The following ACACA variants were observed in gnomAD, a reference collection of about 807,000 sequenced individuals.
ACACA encodes the protein acetyl-CoA carboxylase 1.
A neutral mutation model predicts 296.1 loss-of-function variants in ACACA; 103 were observed. The observed-to-expected ratio is 0.35, with a 90% CI of 0.30 to 0.41. The LOEUF (loss-of-function observed/expected upper bound fraction) is 0.41. ACACA is among the 10% of genes least tolerant of loss of function. ACACA has a pLI of 1.00. For synonymous variants in ACACA, 953 were observed against 1,038.6 expected, an observed-to-expected ratio of 0.92 and a Z score of 1.58; for missense variants, 1,554 against 2,989.7, an observed-to-expected ratio of 0.52 and a Z score of 11.20.
At chr17:37,225,954 T>A (rs1364803465) in intron 26 of ACACA, among the ~76,000 whole-genome samples, 1 of 152,192 alleles carries the variant, frequency 6.6e-6, no homozygotes, top group African/African-American at 2.4e-5. Context: ...CCACACTTGA[T>A]TATTTCCTGT....
intron 1 of ACACA, among the ~76,000 whole-genome samples, chr17:37,364,590 C>CAAA (rs58523091): frequency 2.1e-5 from 2 of 94,102 alleles, no homozygotes; most frequent in African/African-American, 4.9e-5. Context: ...GACTCCGTCT[C>CAAA]AAAAAAAAAA....
intron 1 of ACACA, chr17:37,379,495 G>A (rs956864789): frequency 1.6e-5 from 22 of 1,337,184 alleles, no homozygotes; most frequent in Non-Finnish European, 2.1e-5. Context: ...TCCACTTTTT[G>A]ATGGGGTTGT....
chr17:37,402,490 A>G (rs117061821), intron 1 of ACACA, among the ~76,000 whole-genome samples: 153 of 152,322 alleles, frequency 1.0e-3, no homozygotes, highest in Non-Finnish European at 1.9e-3. Context: ...TTATTGTACA[A>G]ATGGAGACTT....
chr17:37,320,298 G>A (rs1266214900), intron 3 of ACACA, among the ~76,000 whole-genome samples: 1 of 151,968 alleles, frequency 6.6e-6, no homozygotes, highest in African/African-American at 2.4e-5. Flanking sequence ...GATCACCTGA[G>A]GTCAGGAGTT....
chr17:37,218,124 C>A, intron 29 of ACACA, among the ~76,000 whole-genome samples: 1 of 141,800 alleles, frequency 7.1e-6, no homozygotes. Flanking sequence ...AATTTTTCCT[C>A]TCTCCACGGG....
At chr17:37,234,593 T>C (rs1356782217) in intron 25 of ACACA, among the ~76,000 whole-genome samples, 2 of 152,112 alleles carry the variant, frequency 1.3e-5, no homozygotes, top group Non-Finnish European at 2.9e-5. Context: ...AAGTTTGACA[T>C]GAGAGCCATT....
At chr17:37,401,289 T>C (rs1226525624) in intron 1 of ACACA, among the ~76,000 whole-genome samples, 2 of 149,974 alleles carry the variant, frequency 1.3e-5, no homozygotes, top group African/African-American at 4.9e-5. Flanking sequence ...GCCTCCTGGG[T>C]TCAAGTGATT....
chr17:37,376,192 G>C, intron 1 of ACACA: 1 of 1,543,776 alleles, frequency 6.5e-7, no homozygotes, highest in Non-Finnish European at 9.0e-7. Context: ...AATACAGAGA[G>C]AGGCCTAGAA....
In ACACA at chr17:37,283,162, T is replaced by C. The variant is rs956822676; in HGVS notation, c.610+105A>G. 8.2e-6 allele frequency: 11 copies of C among 1,347,354 alleles called. No homozygotes were observed. The East Asian group carries it at 2.3e-4, about 29-fold the overall frequency. 83.5% of individuals were successfully genotyped at this position (1,347,354 alleles called of 1,614,324 possible). On this transcript the variant is annotated intron_variant, in intron 5 of 55. Transcript: ENST00000616317. ...ATTTTAAAAGGATTTTACTTGGAAGTCCTATGTTTGGGAATCCCCCTAAGT... is the reference window on the plus strand; with the variant it reads ...ATTTTAAAAGGATTTTACTTGGAAGCCCTATGTTTGGGAATCCCCCTAAGT...
Position 37,129,284 on chromosome 17 carries a change from G to T in ACACA, c.5944+81C>A, listed in dbSNP as rs191757182. The T allele has an allele frequency of 5.0e-5, 78 of 1,568,818 alleles. No individual in the cohort carries two copies. The Admixed American group carries it at 5.9e-4, about 12-fold the overall frequency. On this transcript the variant is annotated intron_variant, in intron 47 of 55. Transcript: ENST00000616317. ...TCTGTTTTCTTAGTCACATGTGATT[G>T]TTCAGGAATTGGATAGTGATTGAAA...
At chr17:37,158,529 G>A (rs369070823) in intron 42 of ACACA, among the ~76,000 whole-genome samples, 2 of 152,046 alleles carry the variant, frequency 1.3e-5, no homozygotes, top group South Asian at 4.2e-4. Context: ...ACTCAGGAGG[G>A]TGAGGCTGGA....
At chr17:37,227,714 G>A (rs11658519) in intron 25 of ACACA, among the ~76,000 whole-genome samples, 1 of 151,882 alleles carries the variant, frequency 6.6e-6, no homozygotes, top group Non-Finnish European at 1.5e-5. Flanking sequence ...CAAAAAATTA[G>A]CCGGGCGTGG....
At chr17:37,313,951 C>T (rs1336087467) in intron 3 of ACACA, among the ~76,000 whole-genome samples, 1 of 151,912 alleles carries the variant, frequency 6.6e-6, no homozygotes, top group African/African-American at 2.4e-5. Flanking sequence ...TTGGAATCAA[C>T]GTAAGGGTCC....
At chr17:37,151,154 A>G in intron 44 of ACACA, 147 bp downstream of exon 44, 2 of 926,226 alleles carry the variant, frequency 2.2e-6, no homozygotes, top group South Asian at 3.2e-5. Flanking sequence ...CTATCTTCCT[A>G]TTATCATGTG....
chr17:37,205,977 A>C, intron 32 of ACACA, 105 bp from the exon 33 acceptor site: 1 of 1,011,644 alleles, frequency 9.9e-7, no homozygotes, highest in Non-Finnish European at 1.5e-6. Flanking sequence ...GATACACCCC[A>C]CAGGATATTT....
At position 37,087,448 on chromosome 17, in the gene ACACA, G is replaced by T; in HGVS notation, c.7029-9C>A. The T allele has an allele frequency of 6.2e-7, 1 of 1,614,116 alleles. No individual in the cohort carries two copies. Among genetic ancestry groups the T allele is most frequent in the Non-Finnish European group, 8.5e-7 (1 of 1,180,018 alleles). The stretch of plus-strand genomic sequence containing the variant: ...GATTGGCCTGGACCAAGCTGGAAAG[G>T]AAGATTGAGAATGGTGAAGAAAAGA... On this transcript the variant is annotated splice_polypyrimidine_tract_variant and intron_variant, in intron 55 of 55. Transcript: ENST00000616317.
chr17:37,211,688 T>C (rs1166961386), intron 29 of ACACA, among the ~76,000 whole-genome samples: 1 of 152,050 alleles, frequency 6.6e-6, no homozygotes, highest in African/African-American at 2.4e-5. Context: ...TCCATGGCAG[T>C]AGAAGGAGCA....
chr17:37,301,078 A>C (rs2083595044), intron 3 of ACACA, among the ~76,000 whole-genome samples: 1 of 152,224 alleles, frequency 6.6e-6, no homozygotes. Context: ...CACTAAGTGT[A>C]AAAATAAGGC....
At chr17:37,230,387 AAAATAAATAAATAAATAAATAAAT>A (rs200006134) in intron 25 of ACACA, among the ~76,000 whole-genome samples, 5 of 144,320 alleles carry the variant, frequency 3.5e-5, no homozygotes, top group Non-Finnish European at 6.1e-5. Flanking sequence ...TCCATCTCAA[AAAATAAATAAATAAATAAATAAAT>A]AAATAAATAA....
Sources: gnomAD v4.1 joint callset for allele counts (sites outside exome capture counted in the v4.1 genomes callset) on GRCh38, gnomAD v4.1.1 for gene constraint, MANE v1.5 for transcripts, NCBI Gene and HGNC (gene_info 2026-07-23, HGNC 2026-07-21) for gene names.